The following GLIS3 variants were observed in gnomAD, a reference collection of about 807,000 sequenced individuals.
The protein encoded by GLIS3 is GLIS family zinc finger 3.
A neutral mutation model predicts 78.6 loss-of-function variants in GLIS3; 53 were observed. The observed-to-expected ratio is 0.67, with a 90% CI of 0.54 to 0.85. GLIS3 has a LOEUF of 0.85. Among genes scored for constraint, GLIS3 ranks in the 40% least tolerant of loss-of-function variants. The pLI is 0.00. For synonymous variants in GLIS3, 684 were observed against 509.9 expected (o/e 1.34, Z -4.60); for missense variants, 1,703 against 1,231.1 (o/e 1.38, Z -5.74).
At chr9:4,113,946 A>G (rs144314962) in intron 4 of GLIS3, among the ~76,000 whole-genome samples, 1 of 152,312 alleles carries the variant, frequency 6.6e-6, no homozygotes, top group Non-Finnish European at 1.5e-5. Context: ...TGGGTGGGTA[A>G]AAGTTTTGAA....
chr9:4,313,362 A>G (rs1817393319), intron 2 of GLIS3, among the ~76,000 whole-genome samples: 1 of 151,374 alleles, frequency 6.6e-6, no homozygotes, highest in African/African-American at 2.4e-5. Flanking sequence ...TCACTGTGCC[A>G]CCTCCCCCTC....
chr9:4,021,782 C>T (rs1209445085), intron 4 of GLIS3, among the ~76,000 whole-genome samples: 1 of 152,154 alleles, frequency 6.6e-6, no homozygotes, highest in Non-Finnish European at 1.5e-5. Context: ...TGCCAAGCTT[C>T]CTGAAATTTT....
At chr9:4,458,103 C>T in the GLIS3 span, among the ~76,000 whole-genome samples, 2 of 152,076 alleles carry the variant, frequency 1.3e-5, no homozygotes, top group African/African-American at 4.8e-5. Context: ...GACTCAAGCT[C>T]AGCCAGAACT....
chr9:4,089,617 G>A (rs188876573), intron 4 of GLIS3, among the ~76,000 whole-genome samples: 1 of 152,206 alleles, frequency 6.6e-6, no homozygotes, highest in African/African-American at 2.4e-5. Flanking sequence ...CTTGAGGCCA[G>A]GAGTTTGAAA....
Position 4,118,583 on chromosome 9 carries a change from T to C in GLIS3, c.895A>G (p.Lys299Glu). 6.2e-7 allele frequency: 1 copy of C among 1,614,196 alleles called. No homozygotes were observed. Among genetic ancestry groups the C allele is most frequent in the Non-Finnish European group, 8.5e-7 (1 of 1,180,034 alleles). ...GGGGACAAGGACAGCGCTCTCTTCT[T>C]GGAGCGGGCCGAGTGGGACCTGGTG... ...SSTRSHSARSKKRALSLSPLS... is the reference protein window; with the variant it reads ...SSTRSHSARSEKRALSLSPLS... The change falls in exon 4 of 11, where the codon AAG (lysine) becomes GAG (glutamate). Residue 299 changes from lysine (K) to glutamate (E), a missense_variant. Lys to Glu is a moderately conservative substitution (Grantham distance 56). Transcript: ENST00000381971. This position sits in a 1 kb window ranked among gnomAD's most constrained non-coding sequence, Gnocchi z 4.7.
At chr9:4,150,083 C>T (rs1210071147) in intron 2 of GLIS3, among the ~76,000 whole-genome samples, 1 of 152,186 alleles carries the variant, frequency 6.6e-6, no homozygotes, top group Non-Finnish European at 1.5e-5. Context: ...GATAATTTCA[C>T]AGTGAATCTG....
intron 7 of GLIS3, among the ~76,000 whole-genome samples, chr9:3,888,638 C>T (rs540720666): frequency 1.2e-4 from 19 of 152,270 alleles, no homozygotes; most frequent in Non-Finnish European, 2.2e-4. Context: ...GAAACTGCAT[C>T]GACAATGAAG....
intron 6 of GLIS3, 26 bp from the exon 7 acceptor site, chr9:3,898,861 T>C: frequency 6.2e-7 from 1 of 1,613,354 alleles, no homozygotes; most frequent in Non-Finnish European, 8.5e-7. Flanking sequence ...GGAAGAGACA[T>C]CGATAAGGAG....
intron 8 of GLIS3, among the ~76,000 whole-genome samples, chr9:3,863,442 G>C (rs550334196): frequency 7.2e-5 from 11 of 152,174 alleles, no homozygotes; most frequent in African/African-American, 2.4e-4. Context: ...GGGCAGGACT[G>C]GGGCAGGGCA....
intron 9 of GLIS3, among the ~76,000 whole-genome samples, chr9:3,850,384 CT>C (rs1347175472): frequency 3.9e-5 from 6 of 152,208 alleles, no homozygotes; most frequent in Non-Finnish European, 8.8e-5. Flanking sequence ...TGGACAGCAG[CT>C]AGGCTGAGGA....
At chr9:4,468,209 C>A in the GLIS3 span, among the ~76,000 whole-genome samples, 6 of 152,210 alleles carry the variant, frequency 3.9e-5, no homozygotes, top group Non-Finnish European at 8.8e-5. Context: ...GGAAAACACT[C>A]TGCAGGATAT....
the GLIS3 span, among the ~76,000 whole-genome samples, chr9:4,361,723 A>G: frequency 6.6e-6 from 1 of 152,246 alleles, no homozygotes; most frequent in Non-Finnish European, 1.5e-5. Flanking sequence ...AAGAGTCGGC[A>G]TTAAAAGTCA....
chr9:3,831,072 A>G (rs1818015243), intron 9 of GLIS3, among the ~76,000 whole-genome samples: 1 of 152,244 alleles, frequency 6.6e-6, no homozygotes, highest in South Asian at 2.1e-4. Context: ...ATTTATGGAC[A>G]GGGCATATTC....
chr9:3,913,369 T>C (rs1461777277), intron 6 of GLIS3, among the ~76,000 whole-genome samples: 1 of 152,212 alleles, frequency 6.6e-6, no homozygotes, highest in Non-Finnish European at 1.5e-5. Context: ...TTCTCCTCGT[T>C]CAAAGCCCTT....
At position 3,827,903 on chromosome 9, in the gene GLIS3, T is replaced by C. The variant is rs1817811302; in HGVS notation, c.*369A>G. On this transcript the variant is annotated 3_prime_UTR_variant, in exon 11 of 11. Coordinates refer to ENST00000381971, the MANE Select transcript of GLIS3 (RefSeq NM_001042413.2). ...CTCGTAATTGAGGTCTTTTTCCCTGTTTGGAGTTTTCAGGTAGAGTCATCC... is the reference window on the plus strand; with the variant it reads ...CTCGTAATTGAGGTCTTTTTCCCTGCTTGGAGTTTTCAGGTAGAGTCATCC... 1 of 322,744 alleles carries C rather than the reference T, an allele frequency of 3.1e-6. No homozygotes were observed. Among genetic ancestry groups the C allele is most frequent in the African/African-American group, 2.1e-5 (1 of 46,580 alleles). The allele number at this position is 322,744 out of a possible 1,614,324, so 20.0% of individuals were successfully genotyped here.
Position 3,824,943 on chromosome 9 carries a change from C to T in GLIS3, c.*3329G>A, listed in dbSNP as rs967237019. On this transcript the variant is annotated 3_prime_UTR_variant, in exon 11 of 11. Transcript: ENST00000381971. ...TGCAAAAAAAAAAAAAAATAATAAC[C>T]GCAGAAATTCCACACCACTAACAAA... 2 of 147,642 alleles carry T rather than the reference C, an allele frequency of 1.4e-5. No homozygotes were observed. Among genetic ancestry groups the T allele is most frequent in the South Asian group, 4.3e-4 (2 of 4,698 alleles). The allele number at this position is 147,642 out of a possible 1,614,324, so 9.1% of individuals were successfully genotyped here.
chr9:4,189,541 G>C (rs939413638), intron 2 of GLIS3, among the ~76,000 whole-genome samples: 2 of 151,956 alleles, frequency 1.3e-5, no homozygotes, highest in Admixed American at 1.3e-4. Context: ...TCAATTCCTG[G>C]GTATCGTTGT....
chr9:4,471,110 A>G, the GLIS3 span, among the ~76,000 whole-genome samples: 1 of 152,234 alleles, frequency 6.6e-6, no homozygotes, highest in East Asian at 1.9e-4. Context: ...AAAAGAGGAC[A>G]CAAACAAATG....
chr9:4,018,686 C>G (rs1028571791), intron 4 of GLIS3, among the ~76,000 whole-genome samples: 1 of 152,070 alleles, frequency 6.6e-6, no homozygotes, highest in Non-Finnish European at 1.5e-5. Context: ...ATGATAGTCC[C>G]TTAGGAACAG....
Sources: gnomAD v4.1 joint callset for allele counts (sites outside exome capture counted in the v4.1 genomes callset) on GRCh38, gnomAD v4.1.1 for gene constraint, Gnocchi (gnomAD v3.1) non-coding constraint, MANE v1.5 for transcripts, NCBI Gene and HGNC (gene_info 2026-07-23, HGNC 2026-07-21) for gene names.